The following TCF4 variants were observed in gnomAD, a reference collection of about 807,000 sequenced individuals.
TCF4 encodes the protein transcription factor 4.
A neutral mutation model predicts 82.1 loss-of-function variants in TCF4; 3 were observed. The ratio of observed to expected loss-of-function variants is 0.04; its 90% confidence interval spans 0.02 to 0.09. TCF4 has a LOEUF of 0.09. TCF4 is among the 10% of genes least tolerant of loss of function. The pLI is 1.00. For synonymous variants in TCF4, 276 were observed against 309.6 expected (o/e 0.89, Z 1.14); for missense variants, 518 against 852.7 (o/e 0.61, Z 4.89).
intron 3 of TCF4, among the ~76,000 whole-genome samples, chr18:55,524,141 GAGTATACAGA>G (rs1459246249): frequency 6.6e-6 from 1 of 152,022 alleles, no homozygotes; most frequent in Non-Finnish European, 1.5e-5. Flanking sequence ...ATATCGGATT[GAGTATACAGA>G]AGAAAAATGA....
At chr18:55,538,026 G>GCGCACACACACA (rs1277287061) in intron 3 of TCF4, among the ~76,000 whole-genome samples, 22 of 131,574 alleles carry the variant, frequency 1.7e-4, no homozygotes, top group East Asian at 6.8e-4. Flanking sequence ...CTGCGCGCGC[G>GCGCACACACACA]CACACACACA....
chr18:55,629,045 T>A (rs2097729204), intron 2 of TCF4, among the ~76,000 whole-genome samples: 1 of 152,208 alleles, frequency 6.6e-6, no homozygotes. Flanking sequence ...TCCCATGTAA[T>A]AAATATTGTA....
At chr18:55,466,005 G>T (rs2096008733) in intron 3 of TCF4, among the ~76,000 whole-genome samples, 1 of 152,280 alleles carries the variant, frequency 6.6e-6, no homozygotes, top group East Asian at 1.9e-4. Context: ...AACATGAAAA[G>T]TAGGCAGAGA....
intron 5 of TCF4, chr18:55,404,459 C>G (rs1197244721): frequency 6.6e-6 from 1 of 152,158 alleles, no homozygotes; most frequent in Non-Finnish European, 1.5e-5. Flanking sequence ...AAGACCCCAC[C>G]CCACGCAAGT....
At chr18:55,622,426 G>A (rs1183058508) in intron 2 of TCF4, among the ~76,000 whole-genome samples, 1 of 149,142 alleles carries the variant, frequency 6.7e-6, no homozygotes, top group Non-Finnish European at 1.5e-5. Context: ...AGAGTCGCTT[G>A]AACCCGAGGC....
At chr18:55,491,273 G>A (rs2096573348) in intron 3 of TCF4, among the ~76,000 whole-genome samples, 1 of 152,058 alleles carries the variant, frequency 6.6e-6, no homozygotes, top group Non-Finnish European at 1.5e-5. Context: ...CATCATGGGG[G>A]CGGGACGGCG....
chr18:55,300,095 GAT>G (rs1048785505), intron 8 of TCF4, among the ~76,000 whole-genome samples: 19 of 145,542 alleles, frequency 1.3e-4, no homozygotes, highest in Admixed American at 2.7e-4. Flanking sequence ...CACACATACA[GAT>G]ATACACACAC....
chr18:55,629,648 G>A (rs185525569), intron 2 of TCF4, among the ~76,000 whole-genome samples: 11 of 152,304 alleles, frequency 7.2e-5, no homozygotes, highest in Admixed American at 3.9e-4. Context: ...GTTGGACAAG[G>A]TTGTGGAGCT....
intron 1 of TCF4, 124 bp downstream of exon 1, chr18:55,587,914 G>A: frequency 1.2e-6 from 1 of 843,460 alleles, no homozygotes; most frequent in Non-Finnish European, 1.4e-6. Flanking sequence ...GTCTCTTCTG[G>A]GAGCGCCGGG....
chr18:55,449,114 T>C (rs2144272547), intron 5 of TCF4, among the ~76,000 whole-genome samples: 1 of 152,302 alleles, frequency 6.6e-6, no homozygotes, highest in East Asian at 1.9e-4. Flanking sequence ...GTTAGGTCAG[T>C]AACAGAAGCA....
chr18:55,522,220 G>A (rs902806058), intron 3 of TCF4, among the ~76,000 whole-genome samples: 1 of 152,196 alleles, frequency 6.6e-6, no homozygotes, highest in Non-Finnish European at 1.5e-5. Flanking sequence ...GGTAGAGGCT[G>A]ACATGGAGAC....
At chr18:55,252,642 TTAAGAAA>T (rs1373554905) in intron 15 of TCF4, among the ~76,000 whole-genome samples, 1 of 152,182 alleles carries the variant, frequency 6.6e-6, no homozygotes, top group Non-Finnish European at 1.5e-5. Flanking sequence ...CATATGGTAT[TTAAGAAA>T]AACTTTACAT....
At chr18:55,309,771 C>T (rs2147174759) in intron 8 of TCF4, among the ~76,000 whole-genome samples, 1 of 152,176 alleles carries the variant, frequency 6.6e-6, no homozygotes, top group Middle Eastern at 3.4e-3. Flanking sequence ...ACTGTGTAAG[C>T]AAGTTATTGT....
intron 5 of TCF4, among the ~76,000 whole-genome samples, chr18:55,410,213 T>A (rs1166104169): frequency 5.3e-5 from 8 of 152,186 alleles, no homozygotes; most frequent in Admixed American, 2.0e-4. Flanking sequence ...CCGCTGATGT[T>A]CTTTTAGTCC....
rs539105918 is a variant in TCF4 at position 55,528,603 on chromosome 18, T to C, written c.145+56677A>G. Among the ~76,000 whole-genome samples, 9 of 152,306 alleles carry C rather than the reference T, an allele frequency of 5.9e-5. No homozygotes were observed. In the South Asian group the frequency reaches 1.7e-3, roughly 28 times the overall value. ...CTAAAGCCACAGACTTGGATCTGTG[T>C]ACAGCTAATGTTCAGAATCCACAGA... On this transcript the variant is annotated intron_variant, in intron 3 of 19. Coordinates refer to ENST00000354452, the MANE Select transcript of TCF4 (RefSeq NM_001083962.2).
chr18:55,237,925 G>A (rs777302852), intron 15 of TCF4, among the ~76,000 whole-genome samples: 6 of 152,284 alleles, frequency 3.9e-5, no homozygotes, highest in Non-Finnish European at 5.9e-5. Flanking sequence ...CAAATCCATC[G>A]CTAGAATAAC....
intron 3 of TCF4, among the ~76,000 whole-genome samples, chr18:55,533,409 A>T (rs1225714794): frequency 6.6e-6 from 1 of 152,150 alleles, no homozygotes; most frequent in African/African-American, 2.4e-5. Flanking sequence ...AGCCCAGAGG[A>T]AGTCAGTCAG....
At chr18:55,319,940 T>A (rs901140883) in intron 8 of TCF4, among the ~76,000 whole-genome samples, 7 of 152,168 alleles carry the variant, frequency 4.6e-5, no homozygotes, top group Non-Finnish European at 8.8e-5. Context: ...TCCTGAAAGA[T>A]AAAAACCATG....
At chr18:55,385,821 A>G (rs972782113) in intron 6 of TCF4, among the ~76,000 whole-genome samples, 1 of 152,206 alleles carries the variant, frequency 6.6e-6, no homozygotes, top group Non-Finnish European at 1.5e-5. Context: ...GTTCTGCTCC[A>G]AGGCTTGTCC....
Sources: allele counts gnomAD v4.1 joint callset (sites outside exome capture counted in the v4.1 genomes callset), GRCh38; gene constraint gnomAD v4.1.1; transcripts MANE v1.5; gene names NCBI Gene and HGNC (gene_info 2026-07-23, HGNC 2026-07-21).